The following SGK1 variants were observed in gnomAD, a reference collection of about 807,000 sequenced individuals.
SGK1 encodes serine/threonine-protein kinase Sgk1.
A neutral mutation model predicts 64.2 loss-of-function variants in SGK1; 26 were observed. The observed-to-expected ratio is 0.40, with a 90% CI of 0.30 to 0.56. The LOEUF (loss-of-function observed/expected upper bound fraction) is 0.56, where lower values mean the gene tolerates loss of function less well. SGK1 is among the 20% of genes least tolerant of loss of function. The pLI is 0.38. For synonymous variants in SGK1, 265 were observed against 239.7 expected, an observed-to-expected ratio of 1.11 and a Z score of -0.98; for missense variants, 519 against 645.6, an observed-to-expected ratio of 0.80 and a Z score of 2.12.
chr6:134,282,942 A>T (rs1194006805), intron 1 of SGK1: 3 of 151,854 alleles, frequency 2.0e-5, no homozygotes, highest in Non-Finnish European at 4.4e-5. Flanking sequence ...GATAGAGATA[A>T]AAACTCAGAA....
At chr6:134,214,189 A>G (rs938547681) in intron 2 of SGK1, among the ~76,000 whole-genome samples, 4 of 152,040 alleles carry the variant, frequency 2.6e-5, no homozygotes, top group Non-Finnish European at 5.9e-5. Flanking sequence ...CTAAAGTGCT[A>G]AGATTAGGTG....
chr6:134,219,973 G>A (rs1346061718), intron 2 of SGK1, among the ~76,000 whole-genome samples: 1 of 141,632 alleles, frequency 7.1e-6, no homozygotes, highest in Non-Finnish European at 1.5e-5. Context: ...GCAGGAGAAT[G>A]GCGTTAACCC....
intron 1 of SGK1, among the ~76,000 whole-genome samples, chr6:134,274,587 G>C (rs1057156593): frequency 6.7e-6 from 1 of 148,602 alleles, no homozygotes; most frequent in Non-Finnish European, 1.5e-5. Flanking sequence ...GATGTTCAAA[G>C]AAAATACTCA....
At chr6:134,310,873 C>G (rs1427849959) in intron 1 of SGK1, among the ~76,000 whole-genome samples, 1 of 152,232 alleles carries the variant, frequency 6.6e-6, no homozygotes, top group East Asian at 1.9e-4. Context: ...AAGGTGTGAG[C>G]CACTGTGCCC....
At chr6:134,315,411 T>C (rs2114806682) in intron 1 of SGK1, among the ~76,000 whole-genome samples, 1 of 152,330 alleles carries the variant, frequency 6.6e-6, no homozygotes, top group Admixed American at 6.5e-5. Context: ...TCTTTCTGCA[T>C]GTACTCAGAT....
intron 2 of SGK1, among the ~76,000 whole-genome samples, chr6:134,251,889 G>A (rs1776610656): frequency 6.6e-6 from 1 of 152,046 alleles, no homozygotes; most frequent in Non-Finnish European, 1.5e-5. Context: ...CGAGTAGCTG[G>A]GACTACAGGT....
intron 3 of SGK1, among the ~76,000 whole-genome samples, 152 bp downstream of exon 3, chr6:134,207,204 C>T (rs1269003535): frequency 6.6e-6 from 1 of 152,060 alleles, no homozygotes; most frequent in South Asian, 2.1e-4. Context: ...CCAACCTGGG[C>T]AACAGAGCAA....
chr6:134,200,819 G>A (rs1252032087), intron 3 of SGK1, among the ~76,000 whole-genome samples: 1 of 151,958 alleles, frequency 6.6e-6, no homozygotes, highest in Non-Finnish European at 1.5e-5. Flanking sequence ...CAGGAGGATC[G>A]CTTGAGCCCA....
chr6:134,219,875 C>T (rs1357075666), intron 2 of SGK1, among the ~76,000 whole-genome samples: 17 of 143,274 alleles, frequency 1.2e-4, no homozygotes, highest in Middle Eastern at 3.7e-3. Context: ...CCGGCTAAAA[C>T]GGTGAAACCC....
intron 2 of SGK1, among the ~76,000 whole-genome samples, chr6:134,240,972 A>G (rs1360392974): frequency 2.0e-5 from 3 of 152,042 alleles, no homozygotes; most frequent in Non-Finnish European, 2.9e-5. Flanking sequence ...GCATCAGAGA[A>G]AATGTTTCAT....
intron 1 of SGK1, among the ~76,000 whole-genome samples, chr6:134,270,679 G>A (rs1266275671): frequency 1.4e-5 from 2 of 148,016 alleles, no homozygotes; most frequent in African/African-American, 4.9e-5. Flanking sequence ...AGATTCTCAG[G>A]GGCCAACCTG....
intron 3 of SGK1, among the ~76,000 whole-genome samples, chr6:134,184,246 A>C (rs1321570844): frequency 6.6e-6 from 1 of 152,024 alleles, no homozygotes; most frequent in Non-Finnish European, 1.5e-5. Flanking sequence ...CGCCTGTAAT[A>C]TCAGAACTTT....
intron 1 of SGK1, among the ~76,000 whole-genome samples, chr6:134,300,522 C>T (rs1394555299): frequency 1.4e-4 from 15 of 110,148 alleles, no homozygotes; most frequent in South Asian, 5.8e-4. Context: ...TGGGCAACAG[C>T]GCAAGACTCT....
At chr6:134,174,356 G>A in intron 4 of SGK1, 155 bp downstream of exon 4, 1 of 635,784 alleles carries the variant, frequency 1.6e-6, no homozygotes, top group East Asian at 2.7e-5. Flanking sequence ...TAACTTTAAT[G>A]TTTAAAATGT....
chr6:134,174,380 G>T (rs1168799637), intron 4 of SGK1, 131 bp downstream of exon 4: 10 of 659,356 alleles, frequency 1.5e-5, no homozygotes, highest in Non-Finnish European at 2.3e-5. Flanking sequence ...AAATATATTA[G>T]AATTTAAGGA....
At chr6:134,296,450 T>G (rs781130219) in intron 1 of SGK1, among the ~76,000 whole-genome samples, 84 of 152,192 alleles carry the variant, frequency 5.5e-4, no homozygotes, top group Non-Finnish European at 1.0e-3. Context: ...TTTTTCATTT[T>G]TTGTAGAGAC....
rs1777635911 is a variant in SGK1, at chr6:134,313,455, T to TA, written c.69+3936dup. Among the ~76,000 whole-genome samples, 2 of 152,144 alleles carry TA rather than the reference T, an allele frequency of 1.3e-5. 1 individual carries two copies. The highest frequency in any genetic ancestry group is 2.9e-5 in the Non-Finnish European group (2 of 68,032). On this transcript the variant is annotated intron_variant, in intron 1 of 13. Transcript: ENST00000367858. ...CACTATGCCGTTAGTTTCATGAAGATAAAACATGGTTATTTTGTTCCTACT... is the reference window on the plus strand; with the variant it reads ...CACTATGCCGTTAGTTTCATGAAGATAAAAACATGGTTATTTTGTTCCTACT...
At chr6:134,312,665 A>G (rs976009674) in intron 1 of SGK1, among the ~76,000 whole-genome samples, 2 of 152,196 alleles carry the variant, frequency 1.3e-5, no homozygotes, top group African/African-American at 4.8e-5. Context: ...CCTGTCACTA[A>G]CTAGCTATGT....
chr6:134,295,251 G>GT (rs1339183677), intron 1 of SGK1, among the ~76,000 whole-genome samples: 2 of 152,134 alleles, frequency 1.3e-5, no homozygotes, highest in African/African-American at 4.8e-5. Flanking sequence ...GGAGAAGCAG[G>GT]AGAAAGAAGA....
Sources: allele counts gnomAD v4.1 joint callset (sites outside exome capture counted in the v4.1 genomes callset), GRCh38; gene constraint gnomAD v4.1.1; transcripts MANE v1.5; gene names NCBI Gene and HGNC (gene_info 2026-07-23, HGNC 2026-07-21).